Variants in OSBPL2 observed in about 807,000 individuals in gnomAD.
The protein encoded by OSBPL2 is oxysterol binding protein like 2.
In OSBPL2, 18 loss-of-function variants were observed where a neutral mutation model predicts 58.4. That is an observed-to-expected ratio of 0.31 (90% CI 0.21 to 0.46). OSBPL2 has a LOEUF of 0.46. Ranked by LOEUF, OSBPL2 falls within the 20% of genes least tolerant of loss-of-function variation. The pLI is 1.00. For synonymous variants in OSBPL2, 221 were observed against 234.1 expected (o/e 0.94, Z 0.51); for missense variants, 461 against 616.5 (o/e 0.75, Z 2.67).
chr20:62,258,391 A>C (rs1439979757), intron 2 of OSBPL2, among the ~76,000 whole-genome samples: 2 of 152,244 alleles, frequency 1.3e-5, no homozygotes, highest in African/African-American at 4.8e-5. Context: ...TATTAAATGA[A>C]TGACTTCATT....
chr20:62,274,870 T>G (rs762305600), intron 6 of OSBPL2, among the ~76,000 whole-genome samples: 1 of 152,244 alleles, frequency 6.6e-6, no homozygotes, highest in Non-Finnish European at 1.5e-5. Flanking sequence ...TGTTTTATTA[T>G]TTTTCTGTGA....
intron 6 of OSBPL2, chr20:62,278,211 C>A (rs1982511040): frequency 5.5e-6 from 1 of 183,168 alleles, no homozygotes; most frequent in African/African-American, 2.4e-5. Context: ...AGCGTTAGGC[C>A]AAGTGCGATG....
At chr20:62,270,502 C>A (rs1466384708) in intron 4 of OSBPL2, among the ~76,000 whole-genome samples, 1 of 83,338 alleles carries the variant, frequency 1.2e-5, no homozygotes, top group Non-Finnish European at 2.6e-5. Context: ...CCCTCTCTGG[C>A]CTCTCTGGGT....
chr20:62,289,673 G>A (rs1041373482), intron 12 of OSBPL2, among the ~76,000 whole-genome samples: 11 of 152,208 alleles, frequency 7.2e-5, no homozygotes, highest in African/African-American at 2.2e-4. Flanking sequence ...GGAGGCTGAG[G>A]CAGGTGGATC....
At chr20:62,271,408 G>A (rs1317898169) in intron 4 of OSBPL2, among the ~76,000 whole-genome samples, 1 of 152,210 alleles carries the variant, frequency 6.6e-6, no homozygotes, top group African/African-American at 2.4e-5. Flanking sequence ...CGGGAAGCCA[G>A]GGACTATTTT....
intron 1 of OSBPL2, among the ~76,000 whole-genome samples, chr20:62,253,771 C>T (rs565967581): frequency 1.5e-5 from 2 of 130,828 alleles, no homozygotes; most frequent in South Asian, 2.5e-4. Context: ...CTAAAGGGGG[C>T]CAAACTCGCC....
intron 4 of OSBPL2, among the ~76,000 whole-genome samples, chr20:62,264,079 AAAG>A (rs1213050264): frequency 1.3e-5 from 2 of 151,958 alleles, no homozygotes; most frequent in Non-Finnish European, 2.9e-5. Context: ...AAAAAAAAAA[AAAG>A]AAAAAAAATG....
intron 1 of OSBPL2, among the ~76,000 whole-genome samples, chr20:62,246,409 C>A (rs909591642): frequency 1.3e-5 from 2 of 152,232 alleles, no homozygotes. Context: ...AAGCTCAGCT[C>A]TGAAGCTGTG....
intron 1 of OSBPL2, among the ~76,000 whole-genome samples, chr20:62,253,605 A>G (rs1980715906): frequency 6.6e-6 from 1 of 151,968 alleles, no homozygotes; most frequent in Non-Finnish European, 1.5e-5. Flanking sequence ...CTGGAAGTCC[A>G]GTCCAAGGTG....
intron 6 of OSBPL2, 125 bp downstream of exon 6, chr20:62,273,531 C>T: frequency 1.3e-6 from 1 of 796,338 alleles, no homozygotes; most frequent in East Asian, 2.7e-5. Flanking sequence ...ATTAAGAGCT[C>T]ACGAAAGCGT....
intron 1 of OSBPL2, among the ~76,000 whole-genome samples, chr20:62,255,703 C>G (rs2145926944): frequency 6.6e-6 from 1 of 152,222 alleles, no homozygotes; most frequent in East Asian, 1.9e-4. Context: ...CAGGGTTTCA[C>G]CGTGTTGGCC....
chr20:62,243,421 T>TAGCGCCTGCCCCGCAGCCCCTGCCCCGC (rs1414482780), intron 1 of OSBPL2, among the ~76,000 whole-genome samples: 10 of 151,718 alleles, frequency 6.6e-5, no homozygotes, highest in South Asian at 4.2e-4. Flanking sequence ...CGAGGAGCCC[T>TAGCGCCTGCCCCGCAGCCCCTGCCCCGC]AGCGCCTGCC....
In OSBPL2 at chr20:62,265,052, C is replaced by T. The variant is rs141624948; in HGVS notation, c.258+1361C>T. 2.6e-5 allele frequency among the ~76,000 whole-genome samples: 4 copies of T among 152,316 alleles called. No homozygotes were observed. In the East Asian group the frequency reaches 7.7e-4, roughly 29 times the overall value. On this transcript the variant is annotated intron_variant, in intron 4 of 13. Transcript: ENST00000313733. ...AAGTGTCTCCACTGCAAAGTTGCTG[C>T]ATTTCTCTTTGTAATCAATGTTTTA...
In OSBPL2 at chr20:62,279,326, C is replaced by T. The variant is rs34295100; in HGVS notation, c.661C>T (p.Leu221=). 3,311 of 1,614,188 alleles carry T rather than the reference C, an allele frequency of 2.1e-3. 66 individuals are homozygous for T. The African/African-American group carries it at 0.04, about 20-fold the overall frequency. Residue 221 remains leucine, a synonymous_variant, in exon 7 of 14, where the codon CTG becomes TTG. Transcript: ENST00000313733. ...VEAEPRGTIT[L]ELLKHNEAYT... is the part of the protein sequence containing the mutation. ...GGCGGAGCCCCGAGGCACCATCACC[C>T]TGGAGCTGCTCAAGTGAGTGTCGGT...
At chr20:62,253,508 G>T (rs973520180) in intron 1 of OSBPL2, among the ~76,000 whole-genome samples, 1 of 152,158 alleles carries the variant, frequency 6.6e-6, no homozygotes, top group African/African-American at 2.4e-5. Flanking sequence ...AGAGCCCCTG[G>T]CGTAGCCTGT....
At chr20:62,263,517 A>C in intron 3 of OSBPL2, 99 bp from the exon 4 acceptor site, 1 of 929,434 alleles carries the variant, frequency 1.1e-6, no homozygotes, top group Middle Eastern at 2.1e-4. Context: ...AATGTTTAGG[A>C]GTAAAAATTA....
rs775795720 is a variant in OSBPL2, at chr20:62,281,912, C to T, written c.872+33C>T. ...CTTGCCAAGTGTTCATGGGGCACCA[C>T]TACAGCCTGTGTGTCCACGTTAGAA... On this transcript the variant is annotated intron_variant, in intron 9 of 13. Transcript: ENST00000313733. 5.6e-6 allele frequency: 8 copies of T among 1,440,588 alleles called. No individual in the cohort carries two copies. The African/African-American group carries it at 7.0e-5, about 13-fold the overall frequency. The allele number at this position is 1,440,588 out of a possible 1,614,324, so 89.2% of individuals were successfully genotyped here. A position where few individuals can be genotyped will look rare whatever the true frequency, so the allele number is the denominator to read the frequency against.
At chr20:62,276,490 G>T (rs1179413813) in intron 6 of OSBPL2, among the ~76,000 whole-genome samples, 1 of 152,194 alleles carries the variant, frequency 6.6e-6, no homozygotes, top group Non-Finnish European at 1.5e-5. Context: ...ATCCTGGCTG[G>T]GTCAGCTGCT....
chr20:62,273,473 A>T, intron 6 of OSBPL2, 67 bp downstream of exon 6: 1 of 1,188,254 alleles, frequency 8.4e-7, no homozygotes, highest in South Asian at 1.3e-5. Context: ...GATAAGTTTG[A>T]TTCTTTCACT....
Sources: allele counts gnomAD v4.1 joint callset (sites outside exome capture counted in the v4.1 genomes callset), GRCh38; gene constraint gnomAD v4.1.1; transcripts MANE v1.5; gene names NCBI Gene and HGNC (gene_info 2026-07-23, HGNC 2026-07-21).